GGT6: variants seen among roughly 807,000 people sequenced by gnomAD.
The protein encoded by GGT6 is glutathione hydrolase 6.
Under a neutral mutation model 17.0 loss-of-function variants are expected in GGT6, and 13 were observed. The ratio of observed to expected loss-of-function variants is 0.77; its 90% CI spans 0.50 to 1.22. The LOEUF (loss-of-function observed/expected upper bound fraction) is 1.22, where lower values mean the gene tolerates loss of function less well. GGT6 is among the 50% of genes most tolerant of loss of function. GGT6 has a pLI of 0.00. For missense variants in GGT6, 628 were observed against 643.7 expected (o/e 0.98, Z 0.26); for synonymous variants, 305 against 297.9 (o/e 1.02, Z -0.25).
At chr17:4,560,148 G>C (rs1908535276) in intron 1 of GGT6, among the ~76,000 whole-genome samples, 1 of 152,228 alleles carries the variant, frequency 6.6e-6, no homozygotes, top group Non-Finnish European at 1.5e-5. Flanking sequence ...CTTTGACAAA[G>C]CAGCAGATGG....
At chr17:4,556,384 A>G (rs1272520057), downstream of GGT6, among the ~76,000 whole-genome samples, 2 of 151,932 alleles carry the variant, frequency 1.3e-5, no homozygotes, top group African/African-American at 2.4e-5. Flanking sequence ...AATGAGGGGG[A>G]TGCCAGGTTT....
At position 4,560,481 on chromosome 17, in the gene GGT6, A is replaced by T. The variant is rs777977516; in HGVS notation, c.41T>A (p.Leu14Gln). ...CGACTCCAAGCTTGGCTCCCAGGGC[A>T]GCAGCTTCTGATAGACCACGGGCTC... Reference protein sequence around the residue: ...AEEPVVYQKLLPWEPSLESEE... With the variant: ...AEEPVVYQKLQPWEPSLESEE... Residue 14 changes from leucine (L) to glutamine (Q), a missense_variant, in exon 1 of 4, where the codon CTG becomes CAG. Leu to Gln is a moderately radical substitution (Grantham distance 113). Coordinates refer to ENST00000381550, the MANE Select transcript of GGT6 (RefSeq NM_001288702.2). 2 of 1,613,540 alleles carry T rather than the reference A, an allele frequency of 1.2e-6. No individual in the cohort carries two copies. The highest frequency in any genetic ancestry group is 1.6e-4 in the Middle Eastern group (1 of 6,062).
At position 4,560,381 on chromosome 17, in the gene GGT6, C is replaced by T. The variant is rs764957416; in HGVS notation, c.140+1G>A. The stretch of plus-strand genomic sequence containing the variant: ...GGTGCCCAGACCCCTCCCTTACTTA[C>T]CTGGAAGAGTCCTGGTGCCTCCGGG... On this transcript the variant is annotated splice_donor_variant, in intron 1 of 3. Coordinates refer to ENST00000381550, the MANE Select transcript of GGT6 (RefSeq NM_001288702.2). LOFTEE classifies it high-confidence loss of function. The T allele has an allele frequency of 5.0e-6, 8 of 1,613,992 alleles. No homozygotes were observed. Among genetic ancestry groups the T allele is most frequent in the African/African-American group, 1.3e-5 (1 of 74,930 alleles).
At chr17:4,560,292 G>T in intron 1 of GGT6, 90 bp downstream of exon 1, 1 of 1,465,936 alleles carries the variant, frequency 6.8e-7, no homozygotes, top group East Asian at 2.3e-5. Context: ...CCAGCGGGGA[G>T]TCGCCTGGTC....
At position 4,558,588 on chromosome 17, in the gene GGT6, C is replaced by A; in HGVS notation, c.927G>T (p.Val309=). 1 of 1,564,412 alleles carries A rather than the reference C, an allele frequency of 6.4e-7. No homozygotes were observed. The highest frequency in any genetic ancestry group is 8.7e-7 in the Non-Finnish European group (1 of 1,155,232). The change falls in exon 4 of 4, where the codon GTG becomes GTT. Residue 309 remains valine, a synonymous_variant. Transcript: ENST00000381550. Reference sequence around the variant, plus strand: ...GGGTGGTGAACAGGATGCCCTGGGGCACAGGTAGCTGCTCTGCTGGTTCCA... The same window carrying A: ...GGGTGGTGAACAGGATGCCCTGGGGAACAGGTAGCTGCTCTGCTGGTTCCA... ...PTLEPAEQLP[V]PQGILFTTPS...
At position 4,558,895 on chromosome 17, in the gene GGT6, A is replaced by T. The variant is rs759062457; in HGVS notation, c.620T>A (p.Leu207Gln). 1.2e-5 allele frequency: 18 copies of T among 1,547,904 alleles called. No individual in the cohort carries two copies. Among genetic ancestry groups the T allele is most frequent in the Non-Finnish European group, 1.4e-5 (16 of 1,145,198 alleles). Reference sequence around the variant, plus strand: ...AGCCAGCGTGGTGGGGCCCACTAGCAGGCGTGGCCAGGGCAGGCGGCCGAA... The same window carrying T: ...AGCCAGCGTGGTGGGGCCCACTAGCTGGCGTGGCCAGGGCAGGCGGCCGAA... ...ARFGRLPWPR[L>Q]LVGPTTLAQE... Residue 207 changes from leucine to glutamine, a missense_variant, in exon 4 of 4, where the codon CTG becomes CAG. Physicochemically the swap from Leu to Gln is moderately radical, Grantham distance 113. Transcript: ENST00000381550.
Position 4,558,332 on chromosome 17 carries a change from G to A in GGT6, c.1183C>T (p.Leu395=). The A allele has an allele frequency of 6.2e-7, 1 of 1,610,722 alleles. No individual in the cohort carries two copies. Residue 395 remains leucine (L), a synonymous_variant, in exon 4 of 4, where the codon CTG becomes TTG. Coordinates refer to ENST00000381550, the MANE Select transcript of GGT6 (RefSeq NM_001288702.2). ...SPSTGVLLSN[L]VAKSTTSAWA... ...GCACTAGTGGTAGACTTGGCCACCAGGTTGCTGAGCAGAACCCCAGTGCTT... is the reference window on the plus strand; with the variant it reads ...GCACTAGTGGTAGACTTGGCCACCAAGTTGCTGAGCAGAACCCCAGTGCTT...
At position 4,558,179 on chromosome 17, in the gene GGT6, C is replaced by T. The variant is rs1908304943; in HGVS notation, c.1336G>A (p.Ala446Thr). The T allele has an allele frequency of 5.6e-6, 9 of 1,613,988 alleles. No individual in the cohort carries two copies. In the East Asian group the frequency reaches 8.9e-5, roughly 16 times the overall value. The change falls in exon 4 of 4, where the codon GCA becomes ACA. Residue 446 changes from alanine (A) to threonine (T), a missense_variant. Transcript: ENST00000381550. ...MTHTLLRHLA[A>T]RPPTQAQHQH... ...TGCTGGGCCTGGGTAGGGGGCCTTGCTGCCAGATGCCTGAGTAGGGTGTGA... is the reference window on the plus strand; with the variant it reads ...TGCTGGGCCTGGGTAGGGGGCCTTGTTGCCAGATGCCTGAGTAGGGTGTGA...
At position 4,557,548 on chromosome 17, in the gene GGT6, C is replaced by T. The variant is rs981152175; in HGVS notation, c.*467G>A. On this transcript the variant is annotated 3_prime_UTR_variant, in exon 4 of 4. Transcript: ENST00000381550. Reference sequence around the variant, plus strand: ...CAAGCTGGTCTCGAACTCCTAGCCTCAGGTGATCCACCTGCCTTGGCCTCC... The same window carrying T: ...CAAGCTGGTCTCGAACTCCTAGCCTTAGGTGATCCACCTGCCTTGGCCTCC... The T allele has an allele frequency of 1.3e-5, 2 of 152,316 alleles. No individual in the cohort carries two copies. The highest frequency in any genetic ancestry group is 2.9e-5 in the Non-Finnish European group (2 of 68,164). The allele number at this position is 152,316 out of a possible 1,614,324, so 9.4% of individuals were successfully genotyped here.
chr17:4,556,247 G>C (rs1415054103), downstream of GGT6, among the ~76,000 whole-genome samples: 2 of 152,218 alleles, frequency 1.3e-5, no homozygotes, highest in African/African-American at 4.8e-5. Context: ...GTCTGCGCAG[G>C]TGGAAGCACG....
In GGT6 at chr17:4,558,650, C is replaced by A. The variant is rs1007828630; in HGVS notation, c.865G>T (p.Gly289Trp). 160 of 1,581,050 alleles carry A rather than the reference C, an allele frequency of 1.0e-4. No individual in the cohort carries two copies. The highest frequency in any genetic ancestry group is 1.3e-4 in the Non-Finnish European group (150 of 1,164,348). ...ALLSLLAGDLGVEVPSAVPRP... is the reference protein window; with the variant it reads ...ALLSLLAGDLWVEVPSAVPRP... Reference sequence around the variant, plus strand: ...GGCACAGCCGAGGGCACCTCCACCCCCAGGTCTCCCGCCAGTAGACTCAGT... The same window carrying A: ...GGCACAGCCGAGGGCACCTCCACCCACAGGTCTCCCGCCAGTAGACTCAGT... Residue 289 changes from glycine (G) to tryptophan (W), a missense_variant, in exon 4 of 4, where the codon GGG becomes TGG. Gly to Trp is a radical substitution (Grantham distance 184, BLOSUM62 -2). Coordinates refer to ENST00000381550, the MANE Select transcript of GGT6 (RefSeq NM_001288702.2).
intron 1 of GGT6, 87 bp from the exon 2 acceptor site, chr17:4,559,847 G>C (rs1383933298): frequency 7.8e-7 from 1 of 1,284,582 alleles, no homozygotes; most frequent in Non-Finnish European, 1.1e-6. Flanking sequence ...TTCCCAAAAG[G>C]TTTGATTTAG....
rs777963434 is a variant in GGT6 at position 4,557,054 on chromosome 17, G to A, written c.*961C>T. 4 of 152,186 alleles carry A rather than the reference G, an allele frequency of 2.6e-5. No individual in the cohort carries two copies. The highest frequency in any genetic ancestry group is 2.0e-4 in the Admixed American group (3 of 15,274). The allele number at this position is 152,186 out of a possible 1,614,324, so 9.4% of individuals were successfully genotyped here. On this transcript the variant is annotated 3_prime_UTR_variant, in exon 4 of 4. Transcript: ENST00000381550. Reference sequence around the variant, plus strand: ...GGGCTCTGCCTGTCCTGCTTCGTGGGGCCCAGGGCCTAGGCAGAGGCTCTG... The same window carrying A: ...GGGCTCTGCCTGTCCTGCTTCGTGGAGCCCAGGGCCTAGGCAGAGGCTCTG...
chr17:4,559,926 G>A (rs2144548883), intron 1 of GGT6, 166 bp from the exon 2 acceptor site: 1 of 640,776 alleles, frequency 1.6e-6, no homozygotes, highest in Non-Finnish European at 2.7e-6. Context: ...GCAGACATGG[G>A]GATGGGAAAG....
Position 4,558,840 on chromosome 17 carries a change from C to A in GGT6, c.675G>T (p.Leu225=), listed in dbSNP as rs754821404. The A allele has an allele frequency of 6.5e-7, 1 of 1,548,164 alleles. No individual in the cohort carries two copies. Among genetic ancestry groups the A allele is most frequent in the South Asian group, 1.2e-5 (1 of 83,586 alleles). Residue 225 remains leucine (L), a synonymous_variant, in exon 4 of 4, where the codon CTG becomes CTT. Coordinates refer to ENST00000381550, the MANE Select transcript of GGT6 (RefSeq NM_001288702.2). ...TGCCCCGAGCCACCAGAGCCCTTGC[C>A]AGGGGTGTGTCCACCAGGAAGCCCT... The part of the protein sequence containing the change: ...AQEGFLVDTP[L]ARALVARGTE...
At chr17:4,559,273 A>C in intron 3 of GGT6, 70 bp downstream of exon 3, 1 of 1,315,032 alleles carries the variant, frequency 7.6e-7, no homozygotes, top group Non-Finnish European at 1.1e-6. Context: ...AGTGCTACTG[A>C]CTCCCTAAGT....
intron 3 of GGT6, 106 bp downstream of exon 3, chr17:4,559,237 C>T: frequency 8.4e-7 from 1 of 1,184,886 alleles, no homozygotes; most frequent in South Asian, 1.4e-5. Flanking sequence ...AACCCTAAGT[C>T]CTGCTCACTT....
In GGT6 at chr17:4,559,669, G is replaced by A. The variant is rs779571047; in HGVS notation, c.232C>T (p.Leu78Phe). 2 of 1,613,124 alleles carry A rather than the reference G, an allele frequency of 1.2e-6. No homozygotes were observed. The highest frequency in any genetic ancestry group is 1.7e-5 in the Admixed American group (1 of 60,024). ...CCTGTCGACCTGCCCTGATTCTGGA[G>A]CTGCCTCACAGCCAGGGAGCAGCCA... ...AVGCSLAVRQ[L>F]QNQGRSTGSL... Residue 78 changes from leucine (L) to phenylalanine (F), a missense_variant, in exon 2 of 4, where the codon CTC (leucine) becomes TTC (phenylalanine). Coordinates refer to ENST00000381550, the MANE Select transcript of GGT6 (RefSeq NM_001288702.2).
chr17:4,556,945 G>T lies in GGT6; in HGVS notation c.*1070C>A, dbSNP rs2144525800. The T allele has an allele frequency of 6.6e-6, 1 of 152,352 alleles. No homozygotes were observed. Among genetic ancestry groups the T allele is most frequent in the South Asian group, 2.1e-4 (1 of 4,830 alleles). 9.4% of individuals were successfully genotyped at this position (152,352 alleles called of 1,614,324 possible). A position where few individuals can be genotyped will look rare whatever the true frequency, so the allele number is the denominator to read the frequency against. ...ATGGTGCTTGGTTTCCGGGAGACTT[G>T]ATCTTTATTTTGTACCCAGTCTGGT... On this transcript the variant is annotated 3_prime_UTR_variant, in exon 4 of 4. Transcript: ENST00000381550.
Sources: allele counts gnomAD v4.1 joint callset (sites outside exome capture counted in the v4.1 genomes callset), GRCh38; gene constraint gnomAD v4.1.1; transcripts MANE v1.5; gene names NCBI Gene and HGNC (gene_info 2026-07-23, HGNC 2026-07-21).